The following IL33 variants were observed in gnomAD, a reference collection of about 807,000 sequenced individuals.
The protein encoded by IL33 is interleukin 33.
Under a neutral mutation model 27.3 loss-of-function variants are expected in IL33, and 37 were observed. That is an observed-to-expected ratio of 1.36 (90% CI 1.04 to 1.78). The LOEUF is 1.78. Among genes scored for constraint, IL33 ranks in the 40% most tolerant of loss-of-function variants. IL33 has a pLI of 0.00. For missense variants in IL33, 406 were observed against 311.4 expected (o/e 1.30, Z -2.29); for synonymous variants, 132 against 102.9 (o/e 1.28, Z -1.71).
At chr9:6,240,663 A>G (rs1819476140) in intron 1 of IL33, among the ~76,000 whole-genome samples, 1 of 152,228 alleles carries the variant, frequency 6.6e-6, no homozygotes, top group Admixed American at 6.5e-5. Context: ...TGAGTTAATA[A>G]GTAGTGAGTG....
At chr9:6,227,702 C>T (rs145466189) in intron 1 of IL33, among the ~76,000 whole-genome samples, 9 of 152,314 alleles carry the variant, frequency 5.9e-5, no homozygotes, top group African/African-American at 1.9e-4. Flanking sequence ...TCTAGCTTGA[C>T]TACCACTGAT....
At chr9:6,218,923 T>TTCTCC (rs1818295778) in intron 1 of IL33, among the ~76,000 whole-genome samples, 3 of 124,074 alleles carry the variant, frequency 2.4e-5, no homozygotes, top group Non-Finnish European at 5.0e-5. Flanking sequence ...TATATATATA[T>TTCTCC]ATATATATAT....
intron 2 of IL33, among the ~76,000 whole-genome samples, chr9:6,248,762 G>A (rs1816158308): frequency 6.6e-6 from 1 of 150,848 alleles, no homozygotes; most frequent in African/African-American, 2.4e-5. Context: ...TAAATTTTTT[G>A]TAGAGACGGT....
At chr9:6,250,211 CTA>C (rs1587662603) in intron 2 of IL33, among the ~76,000 whole-genome samples, 3 of 152,190 alleles carry the variant, frequency 2.0e-5, no homozygotes, top group Admixed American at 6.5e-5. Flanking sequence ...GTAAATTTTC[CTA>C]TGTTTCAATA....
rs10975517 is a variant in IL33, at chr9:6,248,457, C to T, written c.92-2017C>T. Among the ~76,000 whole-genome samples, 1,068 of 152,020 alleles carry T rather than the reference C, an allele frequency of 7.0e-3. 4 individuals are homozygous for T. Among genetic ancestry groups the T allele is most frequent in the Non-Finnish European group, 0.011 (763 of 67,960 alleles). On this transcript the variant is annotated intron_variant, in intron 2 of 7. Transcript: ENST00000682010. ...GGGTTTGTTATAAAAGTGAGTTCTCCGGATTTCCTCTCTGACTTACTCACT... is the reference window on the plus strand; with the variant it reads ...GGGTTTGTTATAAAAGTGAGTTCTCTGGATTTCCTCTCTGACTTACTCACT...
intron 1 of IL33, among the ~76,000 whole-genome samples, chr9:6,223,994 G>A (rs538030872): frequency 6.6e-6 from 1 of 152,274 alleles, no homozygotes; most frequent in East Asian, 1.9e-4. Flanking sequence ...AAGCCAAGAA[G>A]CGCTTACTCC....
intron 1 of IL33, among the ~76,000 whole-genome samples, chr9:6,230,149 G>A (rs1239379533): frequency 6.6e-6 from 1 of 152,122 alleles, no homozygotes; most frequent in Non-Finnish European, 1.5e-5. Flanking sequence ...CCACATCCAG[G>A]AAAACCATGG....
In IL33 at chr9:6,254,495, C is replaced by T. The variant is rs1816607171; in HGVS notation, c.554C>T (p.Thr185Ile). Residue 185 changes from threonine to isoleucine, a missense_variant, in exon 7 of 8, where the codon ACC (threonine) becomes ATC (isoleucine). Physicochemically the swap from Thr to Ile is moderately conservative, Grantham distance 89. Transcript: ENST00000682010. ...DGVDGKMLMV[T>I]LSPTKDFWLH... is the part of the protein sequence containing the mutation. ...GTTGATGGTAAGATGTTAATGGTAACCCTGAGTCCTACAAAAGACTTCTGG... is the reference window on the plus strand; with the variant it reads ...GTTGATGGTAAGATGTTAATGGTAATCCTGAGTCCTACAAAAGACTTCTGG... 1 of 1,597,784 alleles carries T rather than the reference C, an allele frequency of 6.3e-7. No homozygotes were observed. Among genetic ancestry groups the T allele is most frequent in the Non-Finnish European group, 8.5e-7 (1 of 1,170,054 alleles).
Position 6,216,802 on chromosome 9 carries a change from A to G in IL33, c.-12+950A>G, listed in dbSNP as rs373141329. On this transcript the variant is annotated intron_variant, in intron 1 of 7. Transcript: ENST00000682010. ...AAAATAGCTTCACAAAGAGGATTAG[A>G]GATGCACTAAATGAAGTAGTTTGGA... Among the ~76,000 whole-genome samples the G allele has an allele frequency of 2.0e-5, 3 of 152,176 alleles. No homozygotes were observed. In the East Asian group the frequency reaches 5.8e-4, roughly 29 times the overall value.
At chr9:6,251,994 G>A (rs563402986) in intron 4 of IL33, among the ~76,000 whole-genome samples, 54 of 148,864 alleles carry the variant, frequency 3.6e-4, no homozygotes, top group Non-Finnish European at 6.5e-4. Flanking sequence ...CCGAGATCAT[G>A]TCAGGGCACT....
intron 4 of IL33, among the ~76,000 whole-genome samples, 196 bp downstream of exon 4, chr9:6,251,461 C>A (rs1388400557): frequency 6.6e-6 from 1 of 152,088 alleles, no homozygotes; most frequent in Non-Finnish European, 1.5e-5. Context: ...AATGTACATG[C>A]ATTCTCTAGT....
chr9:6,235,751 T>C (rs1053062022), intron 1 of IL33, among the ~76,000 whole-genome samples: 1 of 152,166 alleles, frequency 6.6e-6, no homozygotes, highest in East Asian at 1.9e-4. Context: ...AACTATCAGA[T>C]AGTTTACACT....
intron 2 of IL33, among the ~76,000 whole-genome samples, chr9:6,248,339 C>G (rs370660531): frequency 7.1e-6 from 1 of 140,478 alleles, no homozygotes; most frequent in Non-Finnish European, 1.5e-5. Context: ...CCGGAGAGGT[C>G]GGATCTTTAA....
chr9:6,235,667 A>G (rs1587631362), intron 1 of IL33, among the ~76,000 whole-genome samples: 1 of 152,350 alleles, frequency 6.6e-6, no homozygotes, highest in East Asian at 1.9e-4. Context: ...CTTAAAATCA[A>G]TAATTTATAG....
chr9:6,255,020 T>C (rs1242825178), intron 7 of IL33, among the ~76,000 whole-genome samples: 2 of 152,154 alleles, frequency 1.3e-5, no homozygotes, highest in African/African-American at 4.8e-5. Flanking sequence ...AAAAAAAATT[T>C]CCATTCTGAG....
At chr9:6,253,020 G>A in intron 5 of IL33, 29 bp downstream of exon 5, 2 of 1,339,872 alleles carry the variant, frequency 1.5e-6, no homozygotes, top group South Asian at 2.7e-5. Context: ...CTATAATAAT[G>A]TAATAATGAC....
chr9:6,242,978 G>C (rs141548191), intron 2 of IL33, among the ~76,000 whole-genome samples: 1 of 152,172 alleles, frequency 6.6e-6, no homozygotes, highest in African/African-American at 2.4e-5. Context: ...AGGAGAAAGA[G>C]GAGAGGAGGG....
intron 4 of IL33, 100 bp from the exon 5 acceptor site, chr9:6,252,766 A>C (rs1816477429): frequency 2.8e-6 from 4 of 1,420,378 alleles, no homozygotes; most frequent in African/African-American, 2.9e-5. Flanking sequence ...GTGACATACA[A>C]AATGCAACTC....
At chr9:6,215,627 G>A (rs1340241811), upstream of IL33, among the ~76,000 whole-genome samples, 1 of 152,204 alleles carries the variant, frequency 6.6e-6, no homozygotes, top group Non-Finnish European at 1.5e-5. Flanking sequence ...AAAATATTCA[G>A]ATGGAGGGAG....
Sources: allele counts gnomAD v4.1 joint callset (sites outside exome capture counted in the v4.1 genomes callset), GRCh38; gene constraint gnomAD v4.1.1; transcripts MANE v1.5; gene names NCBI Gene and HGNC (gene_info 2026-07-23, HGNC 2026-07-21).